ANKS1B: variants seen among roughly 807,000 people sequenced by gnomAD.
ANKS1B encodes ankyrin repeat and sterile alpha motif domain containing 1B, also known as ankyrin repeat and sterile alpha motif domain-containing protein 1B.
In ANKS1B, 36 loss-of-function variants were observed where a neutral mutation model predicts 148.3. That is an observed-to-expected ratio of 0.24 (90% CI 0.19 to 0.32). The LOEUF (loss-of-function observed/expected upper bound fraction) is 0.32. Among genes scored for constraint, ANKS1B ranks in the 10% least tolerant of loss-of-function variants. The pLI is 1.00. For missense variants in ANKS1B, 1,157 were observed against 1,542.6 expected, an observed-to-expected ratio of 0.75 and a Z score of 4.19; for synonymous variants, 542 against 560.8, an observed-to-expected ratio of 0.97 and a Z score of 0.47.
intron 17 of ANKS1B, among the ~76,000 whole-genome samples, chr12:98,844,982 G>C (rs1002274589): frequency 6.6e-6 from 1 of 152,118 alleles, no homozygotes; most frequent in African/African-American, 2.4e-5. Context: ...CTTACATTAA[G>C]GATCCAAAAG....
intron 8 of ANKS1B, among the ~76,000 whole-genome samples, chr12:99,704,823 G>A (rs769358089): frequency 6.6e-6 from 1 of 151,994 alleles, no homozygotes; most frequent in South Asian, 2.1e-4. Flanking sequence ...ACTTGGTAGG[G>A]AAAAATATGT....
intron 1 of ANKS1B, among the ~76,000 whole-genome samples, chr12:99,825,983 A>G (rs1256556394): frequency 3.3e-5 from 5 of 152,116 alleles, no homozygotes; most frequent in Admixed American, 6.5e-5. Context: ...TATGCAATAT[A>G]TTCTGGAGAT....
chr12:99,947,491 A>C (rs2153820372), intron 1 of ANKS1B, among the ~76,000 whole-genome samples: 1 of 152,262 alleles, frequency 6.6e-6, no homozygotes, highest in South Asian at 2.1e-4. Flanking sequence ...TGAAAAGAAT[A>C]AAAAATAGAG....
intron 9 of ANKS1B, among the ~76,000 whole-genome samples, chr12:99,650,552 A>T (rs1714004109): frequency 6.6e-6 from 1 of 152,194 alleles, no homozygotes; most frequent in Non-Finnish European, 1.5e-5. Context: ...ACTGCTTTGC[A>T]ATTGTCCCAT....
At chr12:99,743,759 G>A (rs1456859095) in intron 8 of ANKS1B, among the ~76,000 whole-genome samples, 3 of 152,156 alleles carry the variant, frequency 2.0e-5, no homozygotes, top group South Asian at 2.1e-4. Flanking sequence ...GATGTATTCT[G>A]TGGAAATTTC....
At chr12:99,637,193 T>C (rs536075151) in intron 9 of ANKS1B, among the ~76,000 whole-genome samples, 29 of 152,140 alleles carry the variant, frequency 1.9e-4, no homozygotes, top group Non-Finnish European at 2.4e-4. Context: ...ATGCCTGTAG[T>C]CCCAGCTACT....
chr12:99,443,814 G>T lies in ANKS1B; in HGVS notation c.1439-5C>A. ...CTGCTACCTCAGAGGCATTATCTGT[G>T]AATAAAAATAGAACTGCCATGAACC... On this transcript the variant is annotated splice_polypyrimidine_tract_variant and splice_region_variant and intron_variant, in intron 10 of 26. Coordinates refer to ENST00000683438, the MANE Select transcript of ANKS1B (RefSeq NM_001352186.2). The T allele has an allele frequency of 6.2e-7, 1 of 1,606,450 alleles. No individual in the cohort carries two copies.
chr12:99,009,930 G>T (rs541149327), intron 17 of ANKS1B, among the ~76,000 whole-genome samples: 1 of 152,226 alleles, frequency 6.6e-6, no homozygotes, highest in South Asian at 2.1e-4. Context: ...CTTTAACAGT[G>T]TCCCACTTCA....
chr12:99,634,172 G>A (rs1268450885), intron 9 of ANKS1B, among the ~76,000 whole-genome samples: 3 of 152,128 alleles, frequency 2.0e-5, no homozygotes, highest in Non-Finnish European at 4.4e-5. Context: ...GCATTTAAGA[G>A]GTGTTGGGTC....
chr12:98,969,379 T>A (rs2099881287), intron 17 of ANKS1B, among the ~76,000 whole-genome samples: 1 of 152,192 alleles, frequency 6.6e-6, no homozygotes. Context: ...GAAATTTAAC[T>A]AAGCTGAAAA....
chr12:98,966,627 T>C lies in ANKS1B; in HGVS notation c.2778+86530A>G, dbSNP rs538927011. Among the ~76,000 whole-genome samples the C allele has an allele frequency of 1.1e-3, 168 of 152,214 alleles. 1 individual carries two copies. The highest frequency in any genetic ancestry group is 3.9e-3 in the African/African-American group (163 of 41,544). On this transcript the variant is annotated intron_variant, in intron 17 of 26. Transcript: ENST00000683438. ...ATGTGTATTGTGGCACTATTCACAA[T>C]AGCAAAGACTTGGAACCAACCAAAA...
chr12:98,850,216 AAGT>A (rs2099514821), intron 17 of ANKS1B, among the ~76,000 whole-genome samples: 1 of 152,192 alleles, frequency 6.6e-6, no homozygotes, highest in African/African-American at 2.4e-5. Flanking sequence ...ACGTCTGAGG[AAGT>A]AAAAGAGCTT....
chr12:99,675,145 A>G (rs1338593604), intron 8 of ANKS1B, among the ~76,000 whole-genome samples: 1 of 152,008 alleles, frequency 6.6e-6, no homozygotes, highest in Non-Finnish European at 1.5e-5. Flanking sequence ...TAACAAAAAT[A>G]TTTTGAAGGA....
intron 9 of ANKS1B, among the ~76,000 whole-genome samples, chr12:99,548,006 T>G (rs913410731): frequency 2.0e-5 from 3 of 152,148 alleles, no homozygotes; most frequent in Non-Finnish European, 2.9e-5. Context: ...AAAATTGTAG[T>G]TGATTGACAG....
chr12:98,897,144 G>A (rs972461872), intron 17 of ANKS1B, among the ~76,000 whole-genome samples: 2 of 152,242 alleles, frequency 1.3e-5, no homozygotes, highest in South Asian at 2.1e-4. Flanking sequence ...ATGCTTCTTG[G>A]GAGAGCTGGG....
chr12:98,991,473 T>C (rs1397519159), intron 17 of ANKS1B, among the ~76,000 whole-genome samples: 1 of 152,326 alleles, frequency 6.6e-6, no homozygotes, highest in Non-Finnish European at 1.5e-5. Flanking sequence ...TATGTGTTAG[T>C]ATAAATCAAG....
intron 1 of ANKS1B, among the ~76,000 whole-genome samples, chr12:99,946,057 T>A (rs188835050): frequency 1.3e-5 from 2 of 152,170 alleles, no homozygotes; most frequent in Non-Finnish European, 2.9e-5. Context: ...TCTGGTGGTG[T>A]TAACTCACTG....
At chr12:99,656,198 C>T (rs188697757) in intron 8 of ANKS1B, among the ~76,000 whole-genome samples, 9 of 152,192 alleles carry the variant, frequency 5.9e-5, no homozygotes, top group Non-Finnish European at 1.2e-4. Flanking sequence ...AGATTCATAA[C>T]CTACCCCGTG....
At chr12:99,666,155 T>G (rs765271320) in intron 8 of ANKS1B, among the ~76,000 whole-genome samples, 3 of 152,248 alleles carry the variant, frequency 2.0e-5, no homozygotes, top group Non-Finnish European at 4.4e-5. Flanking sequence ...TGAATTCTAC[T>G]TTGTTCTATT....
Sources: gnomAD v4.1 joint callset for allele counts (sites outside exome capture counted in the v4.1 genomes callset) on GRCh38, gnomAD v4.1.1 for gene constraint, MANE v1.5 for transcripts, NCBI Gene and HGNC (gene_info 2026-07-23, HGNC 2026-07-21) for gene names.